Variants in ZNF135 observed in about 807,000 individuals in gnomAD.
ZNF135 encodes zinc finger protein 135 (clone pHZ-17).
In ZNF135, 11 loss-of-function variants were observed where a neutral mutation model predicts 12.3. That is an observed-to-expected ratio of 0.89 (90% CI 0.56 to 1.48). The LOEUF (loss-of-function observed/expected upper bound fraction) is 1.48, where lower values mean the gene tolerates loss of function less well. ZNF135 is among the 40% of genes most tolerant of loss of function. The probability of loss-of-function intolerance (pLI) is 0.00; values close to 1 mark genes in which losing one functional copy is unlikely to be tolerated. For missense variants in ZNF135, 722 were observed against 815.7 expected (o/e 0.89, Z 1.40); for synonymous variants, 316 against 312.0 (o/e 1.01, Z -0.14).
Position 58,059,374 on chromosome 19 carries a change from G to A in ZNF135, c.-35+64G>A. On this transcript the variant is annotated intron_variant, in intron 1 of 4. Transcript: ENST00000313434. This position sits in a 1 kb window ranked among gnomAD's most constrained non-coding sequence, Gnocchi z 6.5. The stretch of plus-strand genomic sequence containing the variant: ...CCGGGCCGGGCCGGGCCGGGTGCGG[G>A]GGGTCCGGGGATCTTCCTGAGGCCC... 1.2e-6 allele frequency: 1 copy of A among 847,858 alleles called. No homozygotes were observed. The highest frequency in any genetic ancestry group is 1.7e-6 in the Non-Finnish European group (1 of 594,150). The allele number at this position is 847,858 out of a possible 1,614,324, so 52.5% of individuals were successfully genotyped here.
At position 58,059,851 on chromosome 19, in the gene ZNF135, T is replaced by C; in HGVS notation, c.-34-118T>C. 8.0e-7 allele frequency: 1 copy of C among 1,252,514 alleles called. No individual in the cohort carries two copies. The highest frequency in any genetic ancestry group is 1.1e-6 in the Non-Finnish European group (1 of 915,170). 77.6% of individuals were successfully genotyped at this position (1,252,514 alleles called of 1,614,324 possible). A position where few individuals can be genotyped will look rare whatever the true frequency, so the allele number is the denominator to read the frequency against. ...CACACACAGCAGGCGCTTAAACGGG[T>C]ACGCGGGGCCCTGGACGGCTCTCCG... On this transcript the variant is annotated intron_variant, in intron 1 of 4. Coordinates refer to ENST00000313434, the MANE Select transcript of ZNF135 (RefSeq NM_001289401.2). The surrounding 1 kb of genome is among the most constrained non-coding windows in gnomAD (Gnocchi z 6.5).
Position 58,066,857 on chromosome 19 carries a change from AG to A in ZNF135, c.377del (p.Gly126ValfsTer15), listed in dbSNP as rs780082243. 1.9e-6 allele frequency: 3 copies of A among 1,614,110 alleles called. No homozygotes were observed. In the African/African-American group the frequency reaches 4.0e-5, roughly 22 times the overall value. ...RFLWDGLWYC[R>X]GEDTEGHWEW... ...CCTGTGGGATGGTCTGTGGTACTGC[AG>A]GGGTGAGGACACTGAGGGCCACTGG... is the stretch of plus-strand genomic sequence containing the variant. On this transcript the variant is annotated frameshift_variant, in exon 5 of 5. Transcript: ENST00000313434. LOFTEE classifies it low-confidence loss of function (END_TRUNC).
chr19:58,067,491 G>C lies in ZNF135; in HGVS notation c.1007G>C (p.Arg336Pro). 6.2e-7 allele frequency: 1 copy of C among 1,613,922 alleles called. No homozygotes were observed. Among genetic ancestry groups the C allele is most frequent in the Non-Finnish European group, 8.5e-7 (1 of 1,179,980 alleles). Reference protein sequence around the residue: ...YECSECGKAFRQSIHLTQHLR... With the variant: ...YECSECGKAFPQSIHLTQHLR... ...TGCAGTGAGTGTGGGAAAGCCTTCC[G>C]GCAAAGCATCCACCTCACCCAGCAT... The change falls in exon 5 of 5, where the codon CGG becomes CCG. Residue 336 changes from arginine to proline, a missense_variant. Arg to Pro is a moderately radical substitution (Grantham distance 103). Coordinates refer to ENST00000313434, the MANE Select transcript of ZNF135 (RefSeq NM_001289401.2).
chr19:58,063,777 A>G lies in ZNF135; in HGVS notation c.256+236A>G, dbSNP rs900480755. 5.1e-5 allele frequency: 44 copies of G among 861,278 alleles called. No homozygotes were observed. The highest frequency in any genetic ancestry group is 1.6e-4 in the South Asian group (3 of 18,788). The allele number at this position is 861,278 out of a possible 1,614,324, so 53.4% of individuals were successfully genotyped here. On this transcript the variant is annotated intron_variant, in intron 4 of 4. Coordinates refer to ENST00000313434, the MANE Select transcript of ZNF135 (RefSeq NM_001289401.2). This position sits in a 1 kb window ranked among gnomAD's most constrained non-coding sequence, Gnocchi z 4.4. ...AATAAATCGGTAAAATAATAATAAT[A>G]AAACAAGTTGGATGATTACAGATTG...
rs914569047 is a variant in ZNF135 at position 58,059,691 on chromosome 19, A to C, written c.-34-278A>C. 3.8e-6 allele frequency: 2 copies of C among 533,142 alleles called. No homozygotes were observed. The highest frequency in any genetic ancestry group is 6.6e-6 in the Non-Finnish European group (2 of 304,468). The allele number at this position is 533,142 out of a possible 1,614,324, so 33.0% of individuals were successfully genotyped here. A position where few individuals can be genotyped will look rare whatever the true frequency, so the allele number is the denominator to read the frequency against. ...TGCCCAGGGCCAGGGGACCGCAACC[A>C]CCCGGCCCTTGTCACTGTAGCGTTA... On this transcript the variant is annotated intron_variant, in intron 1 of 4. Coordinates refer to ENST00000313434, the MANE Select transcript of ZNF135 (RefSeq NM_001289401.2). This position sits in a 1 kb window ranked among gnomAD's most constrained non-coding sequence, Gnocchi z 6.5.
intron 3 of ZNF135, among the ~76,000 whole-genome samples, chr19:58,062,844 C>T (rs1024421208): frequency 1.3e-5 from 2 of 152,064 alleles, no homozygotes; most frequent in Non-Finnish European, 2.9e-5. Flanking sequence ...GTGCATACCA[C>T]CACACCTAGC....
At position 58,059,695 on chromosome 19, in the gene ZNF135, G is replaced by A; in HGVS notation, c.-34-274G>A. 1 of 534,300 alleles carries A rather than the reference G, an allele frequency of 1.9e-6. No individual in the cohort carries two copies. Among genetic ancestry groups the A allele is most frequent in the East Asian group, 3.3e-5 (1 of 30,508 alleles). The allele number at this position is 534,300 out of a possible 1,614,324, so 33.1% of individuals were successfully genotyped here. A position where few individuals can be genotyped will look rare whatever the true frequency, so the allele number is the denominator to read the frequency against. ...CAGGGCCAGGGGACCGCAACCACCC[G>A]GCCCTTGTCACTGTAGCGTTAAGGC... On this transcript the variant is annotated intron_variant, in intron 1 of 4. Coordinates refer to ENST00000313434, the MANE Select transcript of ZNF135 (RefSeq NM_001289401.2). This position sits in a 1 kb window ranked among gnomAD's most constrained non-coding sequence, Gnocchi z 6.5.
At position 58,060,389 on chromosome 19, in the gene ZNF135, C is replaced by T; in HGVS notation, c.33+354C>T. The T allele has an allele frequency of 1.1e-5, 14 of 1,233,374 alleles. No homozygotes were observed. Among genetic ancestry groups the T allele is most frequent in the Non-Finnish European group, 1.4e-5 (14 of 977,484 alleles). 76.4% of individuals were successfully genotyped at this position (1,233,374 alleles called of 1,614,324 possible). A position where few individuals can be genotyped will look rare whatever the true frequency, so the allele number is the denominator to read the frequency against. Reference sequence around the variant, plus strand: ...CTGCCTCTGAAAGGACCGCCCACGCCGCGCTGGAGGTCAGCGGGCACGGGT... The same window carrying T: ...CTGCCTCTGAAAGGACCGCCCACGCTGCGCTGGAGGTCAGCGGGCACGGGT... On this transcript the variant is annotated intron_variant, in intron 2 of 4. Transcript: ENST00000313434. The surrounding 1 kb of genome is among the most constrained non-coding windows in gnomAD (Gnocchi z 4.9).
rs140244919 is a variant in ZNF135 at position 58,068,312 on chromosome 19, G to C, written c.1828G>C (p.Asp610His). 10 of 1,613,280 alleles carry C rather than the reference G, an allele frequency of 6.2e-6. No homozygotes were observed. The highest frequency in any genetic ancestry group is 8.5e-6 in the Non-Finnish European group (10 of 1,179,848). ...HTGEKPYECH[D>H]CGKSFRQSTH... ...TGGGGAAAAGCCCTATGAGTGTCACGATTGCGGAAAGTCCTTTAGGCAGAG... is the reference window on the plus strand; with the variant it reads ...TGGGGAAAAGCCCTATGAGTGTCACCATTGCGGAAAGTCCTTTAGGCAGAG... Residue 610 changes from aspartate (D) to histidine (H), a missense_variant, in exon 5 of 5, where the codon GAT becomes CAT. Physicochemically the swap from Asp to His is moderately conservative, Grantham distance 81. Coordinates refer to ENST00000313434, the MANE Select transcript of ZNF135 (RefSeq NM_001289401.2).
chr19:58,067,592 A>G lies in ZNF135; in HGVS notation c.1108A>G (p.Thr370Ala), dbSNP rs767080959. ...GGCCTTCAGCCACAGCTCATCCTTG[A>G]CCAAACACCAGCGAATCCACACAGG... The part of the protein sequence containing the change: ...GKAFSHSSSL[T>A]KHQRIHTGEK... The change falls in exon 5 of 5, where the codon ACC becomes GCC. Residue 370 changes from threonine to alanine, a missense_variant. Transcript: ENST00000313434. 11 of 1,613,952 alleles carry G rather than the reference A, an allele frequency of 6.8e-6. No homozygotes were observed. The highest frequency in any genetic ancestry group is 1.3e-5 in the African/African-American group (1 of 74,886).
chr19:58,063,334 A>G lies in ZNF135; in HGVS notation c.161-112A>G, dbSNP rs576828093. ...GGCTGTGGGTATGACAGCTGAAGTCACTCAGGGGTCCCCAGCCATCTGGGA... is the reference window on the plus strand; with the variant it reads ...GGCTGTGGGTATGACAGCTGAAGTCGCTCAGGGGTCCCCAGCCATCTGGGA... On this transcript the variant is annotated intron_variant, in intron 3 of 4. Transcript: ENST00000313434. The surrounding 1 kb of genome is among the most constrained non-coding windows in gnomAD (Gnocchi z 4.4). The G allele has an allele frequency of 4.7e-6, 7 of 1,495,294 alleles. No individual in the cohort carries two copies. The South Asian group carries it at 8.7e-5, about 19-fold the overall frequency. 92.6% of individuals were successfully genotyped at this position (1,495,294 alleles called of 1,614,324 possible). A position where few individuals can be genotyped will look rare whatever the true frequency, so the allele number is the denominator to read the frequency against.
At position 58,059,757 on chromosome 19, in the gene ZNF135, C is replaced by CA; in HGVS notation, c.-34-211dup. The CA allele has an allele frequency of 3.3e-6, 2 of 613,526 alleles. No individual in the cohort carries two copies. Among genetic ancestry groups the CA allele is most frequent in the Non-Finnish European group, 5.6e-6 (2 of 356,276 alleles). 38.0% of individuals were successfully genotyped at this position (613,526 alleles called of 1,614,324 possible). A position where few individuals can be genotyped will look rare whatever the true frequency, so the allele number is the denominator to read the frequency against. ...GCAGCAGATATGTGTCCGCACCCGC[C>CA]AGGCCTTCAGCTTCCCTCAGACAGG... On this transcript the variant is annotated intron_variant, in intron 1 of 4. Transcript: ENST00000313434. This position sits in a 1 kb window ranked among gnomAD's most constrained non-coding sequence, Gnocchi z 6.5.
chr19:58,062,093 A>G (rs1462840517), intron 3 of ZNF135, among the ~76,000 whole-genome samples: 1 of 152,068 alleles, frequency 6.6e-6, no homozygotes, highest in African/African-American at 2.4e-5. Context: ...TAAACAATAG[A>G]TATTTGTTGC....
chr19:58,059,606 G>T lies in ZNF135; in HGVS notation c.-35+296G>T. On this transcript the variant is annotated intron_variant, in intron 1 of 4. Transcript: ENST00000313434. This position sits in a 1 kb window ranked among gnomAD's most constrained non-coding sequence, Gnocchi z 6.5. ...GCGCCCCGCCCCTGGCCCCACCTCT[G>T]CCCCACACCGGGCACTGGGCCGCCA... 1.9e-6 allele frequency: 1 copy of T among 522,338 alleles called. No individual in the cohort carries two copies. Among genetic ancestry groups the T allele is most frequent in the Non-Finnish European group, 3.3e-6 (1 of 298,724 alleles). The allele number at this position is 522,338 out of a possible 1,614,324, so 32.4% of individuals were successfully genotyped here.
Position 58,063,628 on chromosome 19 carries a change from A to G in ZNF135, c.256+87A>G. The G allele has an allele frequency of 6.4e-7, 1 of 1,569,978 alleles. No individual in the cohort carries two copies. The highest frequency in any genetic ancestry group is 8.6e-7 in the Non-Finnish European group (1 of 1,156,932). ...CTCTGCATCTGCTCTCTAATTCTTC[A>G]GAGCAAATTTACTACTCAGTCTTAG... is the stretch of plus-strand genomic sequence containing the variant. On this transcript the variant is annotated intron_variant, in intron 4 of 4. Coordinates refer to ENST00000313434, the MANE Select transcript of ZNF135 (RefSeq NM_001289401.2). This position sits in a 1 kb window ranked among gnomAD's most constrained non-coding sequence, Gnocchi z 4.4.
At position 58,065,485 on chromosome 19, in the gene ZNF135, T is replaced by C. The variant is rs1335812661; in HGVS notation, c.257-1256T>C. On this transcript the variant is annotated intron_variant, in intron 4 of 4. Transcript: ENST00000313434. This position sits in a 1 kb window ranked among gnomAD's most constrained non-coding sequence, Gnocchi z 4.0. ...TGTTGAGATTACAGGCATGAGGCCC[T>C]GTGCCTGGCTAAGAATCCGTTTCTT... Among the ~76,000 whole-genome samples, 3 of 152,242 alleles carry C rather than the reference T, an allele frequency of 2.0e-5. No individual in the cohort carries two copies. Among genetic ancestry groups the C allele is most frequent in the African/African-American group, 7.2e-5 (3 of 41,452 alleles).
rs756546374 is a variant in ZNF135 at position 58,067,474 on chromosome 19, G to A, written c.990G>A (p.Glu330=). The A allele has an allele frequency of 3.7e-6, 6 of 1,614,158 alleles. No individual in the cohort carries two copies. The highest frequency in any genetic ancestry group is 1.1e-5 in the South Asian group (1 of 91,084). The change falls in exon 5 of 5, where the codon GAG becomes GAA. Residue 330 remains glutamate, a synonymous_variant. Coordinates refer to ENST00000313434, the MANE Select transcript of ZNF135 (RefSeq NM_001289401.2). ...HTGEKPYECS[E]CGKAFRQSIH... ...GCGAGAAGCCCTACGAGTGCAGTGA[G>A]TGTGGGAAAGCCTTCCGGCAAAGCA...
At chr19:58,061,821 C>A in intron 3 of ZNF135, 115 bp downstream of exon 3, 1 of 1,358,132 alleles carries the variant, frequency 7.4e-7, no homozygotes, top group Non-Finnish European at 9.8e-7. Flanking sequence ...GGCTGTATGT[C>A]TTGGGCTTTA....
In ZNF135 at chr19:58,063,741, G is replaced by A. The variant is rs2074021795; in HGVS notation, c.256+200G>A. On this transcript the variant is annotated intron_variant, in intron 4 of 4. Transcript: ENST00000313434. This position sits in a 1 kb window ranked among gnomAD's most constrained non-coding sequence, Gnocchi z 4.4. Reference sequence around the variant, plus strand: ...ATTTATATTCTTGGTGAGGGAGTGGGGGAAACAAACAATAAATCGGTAAAA... The same window carrying A: ...ATTTATATTCTTGGTGAGGGAGTGGAGGAAACAAACAATAAATCGGTAAAA... 7.5e-7 allele frequency: 1 copy of A among 1,333,270 alleles called. No homozygotes were observed. Among genetic ancestry groups the A allele is most frequent in the Middle Eastern group, 2.8e-4 (1 of 3,552 alleles). 82.6% of individuals were successfully genotyped at this position (1,333,270 alleles called of 1,614,324 possible).
Sources: allele counts gnomAD v4.1 joint callset (sites outside exome capture counted in the v4.1 genomes callset), GRCh38; gene constraint gnomAD v4.1.1; non-coding constraint Gnocchi (gnomAD v3.1); transcripts MANE v1.5; gene names NCBI Gene and HGNC (gene_info 2026-07-23, HGNC 2026-07-21).